The following EXOC6B variants were observed in gnomAD, a reference collection of about 807,000 sequenced individuals.
EXOC6B encodes the protein SEC15 homolog B.
EXOC6B carries 54 observed loss-of-function variants against 113.5 expected under a neutral mutation model. The ratio of observed to expected loss-of-function variants is 0.48; its 90% confidence interval spans 0.38 to 0.60. The LOEUF (loss-of-function observed/expected upper bound fraction) is 0.60. Ranked by LOEUF, EXOC6B falls within the 20% of genes least tolerant of loss-of-function variation. EXOC6B has a pLI of 0.00. For synonymous variants in EXOC6B, 357 were observed against 339.0 expected (o/e 1.05, Z -0.58); for missense variants, 797 against 977.5 (o/e 0.82, Z 2.46).
intron 18 of EXOC6B, among the ~76,000 whole-genome samples, chr2:72,455,130 T>A (rs912763434): frequency 1.3e-5 from 2 of 152,178 alleles, no homozygotes; most frequent in Non-Finnish European, 2.9e-5. Flanking sequence ...TGTGGTTGTG[T>A]CCTAAAGGAT....
At chr2:72,480,860 C>G in intron 16 of EXOC6B, 110 bp from the exon 17 acceptor site, 1 of 1,117,066 alleles carries the variant, frequency 9.0e-7, no homozygotes, top group African/African-American at 1.6e-5. Flanking sequence ...TGGAAAAGGC[C>G]ATCCACATTC....
chr2:72,288,697 T>C (rs1685595347), intron 20 of EXOC6B: 1 of 152,308 alleles, frequency 6.6e-6, no homozygotes, highest in Admixed American at 6.6e-5. Context: ...GAAATATATA[T>C]ATATATATAT....
chr2:72,563,861 TA>T (rs1704021170), intron 7 of EXOC6B, among the ~76,000 whole-genome samples: 1 of 152,088 alleles, frequency 6.6e-6, no homozygotes, highest in East Asian at 1.9e-4. Context: ...CTTTACATAT[TA>T]AAAAAAGGAT....
chr2:72,535,951 A>G (rs1702266814), intron 8 of EXOC6B, among the ~76,000 whole-genome samples: 1 of 152,152 alleles, frequency 6.6e-6, no homozygotes, highest in African/African-American at 2.4e-5. Flanking sequence ...GGCTAAAAGT[A>G]GTGTTATAGG....
In EXOC6B at chr2:72,401,578, T is replaced by C. The variant is rs1322594815; in HGVS notation, c.1981-21708A>G. 2.1e-3 allele frequency among the ~76,000 whole-genome samples: 50 copies of C among 24,198 alleles called. 2 individuals carry two copies. The highest frequency in any genetic ancestry group is 2.7e-3 in the Non-Finnish European group (42 of 15,536). 15.9% of individuals were successfully genotyped at this position (24,198 alleles called of 152,430 possible). The stretch of plus-strand genomic sequence containing the variant: ...ATATATATATATACATATATATATA[T>C]ATACATATATATATATATATATATG... On this transcript the variant is annotated intron_variant, in intron 18 of 21. Coordinates refer to ENST00000272427, the MANE Select transcript of EXOC6B (RefSeq NM_015189.3).
intron 18 of EXOC6B, among the ~76,000 whole-genome samples, chr2:72,460,174 T>C (rs1210259584): frequency 1.3e-4 from 20 of 152,018 alleles, no homozygotes; most frequent in Admixed American, 1.3e-3. Flanking sequence ...TGAAACTGGA[T>C]CCCTTCCTTA....
chr2:72,647,893 C>G (rs1417934917), intron 6 of EXOC6B, among the ~76,000 whole-genome samples: 2 of 152,148 alleles, frequency 1.3e-5, no homozygotes, highest in East Asian at 3.8e-4. Flanking sequence ...GACTAAAACA[C>G]CAAAAGCACT....
intron 1 of EXOC6B, among the ~76,000 whole-genome samples, chr2:72,797,491 A>C (rs1381047735): frequency 6.6e-6 from 1 of 152,162 alleles, no homozygotes; most frequent in Non-Finnish European, 1.5e-5. Flanking sequence ...CAAAGTAGGG[A>C]ATGGATTGGA....
Position 72,645,364 on chromosome 2 carries a change from A to G in EXOC6B, c.670-69696T>C, listed in dbSNP as rs577344837. Among the ~76,000 whole-genome samples, 232 of 152,286 alleles carry G rather than the reference A, an allele frequency of 1.5e-3. 1 individual carries two copies. The highest frequency in any genetic ancestry group is 5.5e-3 in the African/African-American group (228 of 41,560). ...TGGGAGACTTTAACACCCCACTGTC[A>G]ATATTAGACAGATAAATGAGACAGA... On this transcript the variant is annotated intron_variant, in intron 6 of 21. Coordinates refer to ENST00000272427, the MANE Select transcript of EXOC6B (RefSeq NM_015189.3).
At chr2:72,500,658 G>A (rs914748372) in intron 11 of EXOC6B, among the ~76,000 whole-genome samples, 2 of 152,050 alleles carry the variant, frequency 1.3e-5, no homozygotes, top group Non-Finnish European at 2.9e-5. Flanking sequence ...TACAAATAAT[G>A]TCCATGTATA....
At chr2:72,731,745 C>T (rs1173577021) in intron 3 of EXOC6B, among the ~76,000 whole-genome samples, 1 of 152,200 alleles carries the variant, frequency 6.6e-6, no homozygotes, top group Non-Finnish European at 1.5e-5. Context: ...CTACTTGCAG[C>T]ATTCATCCTA....
intron 6 of EXOC6B, among the ~76,000 whole-genome samples, chr2:72,622,599 A>C (rs1254557357): frequency 6.6e-6 from 1 of 152,092 alleles, no homozygotes; most frequent in African/African-American, 2.4e-5. Context: ...GGTCCCAGCT[A>C]GTTTGGAGGC....
In EXOC6B at chr2:72,788,480, T is replaced by C. The variant is rs75230136; in HGVS notation, c.113+37318A>G. On this transcript the variant is annotated intron_variant, in intron 1 of 21. Transcript: ENST00000272427. ...ATCGAATCTGGGGTTCTTAACAACA[T>C]ATATCCTTCAGGAATATCAAGAATC... Among the ~76,000 whole-genome samples the C allele has an allele frequency of 6.6e-3, 999 of 152,242 alleles. 5 individuals carry two copies. Among genetic ancestry groups the C allele is most frequent in the Non-Finnish European group, 0.01 (705 of 68,022 alleles).
At chr2:72,386,397 T>C (rs1296321089) in intron 18 of EXOC6B, among the ~76,000 whole-genome samples, 1 of 152,132 alleles carries the variant, frequency 6.6e-6, no homozygotes, top group Non-Finnish European at 1.5e-5. Flanking sequence ...AAGGTAAGTG[T>C]TGATAGCCAA....
intron 11 of EXOC6B, among the ~76,000 whole-genome samples, chr2:72,504,424 C>T (rs368494791): frequency 1.1e-4 from 17 of 152,106 alleles, no homozygotes; most frequent in African/African-American, 3.9e-4. Flanking sequence ...TTTTCTTTCT[C>T]GCTTCTTTCA....
At chr2:72,722,758 A>C (rs868237888) in intron 5 of EXOC6B, among the ~76,000 whole-genome samples, 19 of 152,222 alleles carry the variant, frequency 1.2e-4, no homozygotes, top group African/African-American at 3.9e-4. Context: ...AAAGCCAAAA[A>C]TTAAGCCAAA....
intron 8 of EXOC6B, among the ~76,000 whole-genome samples, chr2:72,554,739 ACTTT>A (rs1013318035): frequency 3.5e-4 from 54 of 152,196 alleles, no homozygotes; most frequent in African/African-American, 1.3e-3. Context: ...GTTCTACACA[ACTTT>A]CTTTGTTTTT....
intron 18 of EXOC6B, among the ~76,000 whole-genome samples, chr2:72,405,153 A>G (rs1202593682): frequency 5.9e-5 from 9 of 152,202 alleles, no homozygotes. Flanking sequence ...GTTTAGAGAA[A>G]AAAGAATGAA....
intron 20 of EXOC6B, among the ~76,000 whole-genome samples, chr2:72,266,235 C>A (rs1684075047): frequency 1.3e-5 from 2 of 150,532 alleles, no homozygotes; most frequent in South Asian, 4.2e-4. Flanking sequence ...GTTTCTTTTG[C>A]TGTGCAGAAG....
Sources: allele counts gnomAD v4.1 joint callset (sites outside exome capture counted in the v4.1 genomes callset), GRCh38; gene constraint gnomAD v4.1.1; transcripts MANE v1.5; gene names NCBI Gene and HGNC (gene_info 2026-07-23, HGNC 2026-07-21).